Variants in BIK observed in about 807,000 individuals in gnomAD.
BIK encodes bcl-2-interacting killer.
A neutral mutation model predicts 12.1 loss-of-function variants in BIK; 14 were observed. That is an observed-to-expected ratio of 1.16 (90% CI 0.77 to 1.81). BIK has a LOEUF of 1.81. BIK is among the 40% of genes most tolerant of loss of function. BIK has a pLI of 0.00. For synonymous variants in BIK, 86 were observed against 92.3 expected, an observed-to-expected ratio of 0.93 and a Z score of 0.39; for missense variants, 215 against 207.9, an observed-to-expected ratio of 1.03 and a Z score of -0.21.
At chr22:43,117,814 C>T (rs926285661) in intron 1 of BIK, among the ~76,000 whole-genome samples, 7 of 151,688 alleles carry the variant, frequency 4.6e-5, no homozygotes, top group African/African-American at 9.7e-5. Flanking sequence ...GGATTACAGG[C>T]GCGCACCACC....
rs369373961 is a variant in BIK, at chr22:43,129,493, C to T, written c.*188C>T. 2.2e-5 allele frequency: 23 copies of T among 1,031,118 alleles called. 1 individual carries two copies. Among genetic ancestry groups the T allele is most frequent in the African/African-American group, 1.6e-4 (10 of 60,772 alleles). The allele number at this position is 1,031,118 out of a possible 1,614,324, so 63.9% of individuals were successfully genotyped here. A position where few individuals can be genotyped will look rare whatever the true frequency, so the allele number is the denominator to read the frequency against. On this transcript the variant is annotated 3_prime_UTR_variant, in exon 5 of 5. Coordinates refer to ENST00000216115, the MANE Select transcript of BIK (RefSeq NM_001197.5). ...TTTGTTTTTTTTTTATTCCAGTTTTCGTTTTTTCTAAAAGATGAATTCCTA... is the reference window on the plus strand; with the variant it reads ...TTTGTTTTTTTTTTATTCCAGTTTTTGTTTTTTCTAAAAGATGAATTCCTA...
chr22:43,117,602 C>T (rs1930141242), intron 1 of BIK, among the ~76,000 whole-genome samples: 1 of 151,748 alleles, frequency 6.6e-6, no homozygotes, highest in African/African-American at 2.4e-5. Flanking sequence ...CATCTCCTGA[C>T]CTTGTGATCT....
intron 1 of BIK, among the ~76,000 whole-genome samples, chr22:43,114,703 C>T (rs548509785): frequency 6.6e-6 from 1 of 152,296 alleles, no homozygotes; most frequent in East Asian, 1.9e-4. Context: ...GCTGAAATTC[C>T]CTGTGCAGAC....
chr22:43,124,109 T>C lies in BIK; in HGVS notation c.87T>C (p.Val29=), dbSNP rs770012034. Residue 29 remains valine (V), a synonymous_variant, in exon 2 of 5, where the codon GTT becomes GTC. Coordinates refer to ENST00000216115, the MANE Select transcript of BIK (RefSeq NM_001197.5). ...TCCTGGAACCCCCGACCATGGAGGT[T>C]CTTGGCATGACTGACTCTGAAGAGG... ...EQLLEPPTME[V]LGMTDSEEDL... The C allele has an allele frequency of 4.3e-6, 7 of 1,614,006 alleles. No individual in the cohort carries two copies. Among genetic ancestry groups the C allele is most frequent in the Middle Eastern group, 1.6e-4 (1 of 6,080 alleles).
At chr22:43,116,699 C>T (rs148901931) in intron 1 of BIK, among the ~76,000 whole-genome samples, 245 of 152,254 alleles carry the variant, frequency 1.6e-3, no homozygotes, top group African/African-American at 5.3e-3. Context: ...CCTCGTGATC[C>T]GCCCGCCTCG....
In BIK at chr22:43,124,110, C is replaced by G; in HGVS notation, c.88C>G (p.Leu30Val). The change falls in exon 2 of 5, where the codon CTT (leucine) becomes GTT (valine). Residue 30 changes from leucine to valine, a missense_variant. Coordinates refer to ENST00000216115, the MANE Select transcript of BIK (RefSeq NM_001197.5). The stretch of plus-strand genomic sequence containing the variant: ...CCTGGAACCCCCGACCATGGAGGTT[C>G]TTGGCATGACTGACTCTGAAGAGGA... ...QLLEPPTMEV[L>V]GMTDSEEDLD... 6.2e-7 allele frequency: 1 copy of G among 1,614,168 alleles called. No homozygotes were observed. The highest frequency in any genetic ancestry group is 1.1e-5 in the South Asian group (1 of 91,078).
At chr22:43,128,690 C>A in intron 4 of BIK, 65 bp downstream of exon 4, 1 of 1,540,230 alleles carries the variant, frequency 6.5e-7, no homozygotes, top group Non-Finnish European at 8.8e-7. Context: ...CAGAGCCGCT[C>A]CTTGGGGCGC....
rs565060462 is a variant in BIK, at chr22:43,121,496, T to C, written c.-7-2520T>C. ...CGGAATGCCTGCTGGGTAAGGGGGC[T>C]GTGGGCACAGTGGGTCAAGGCGAGG... On this transcript the variant is annotated intron_variant, in intron 1 of 4. Transcript: ENST00000216115. Among the ~76,000 whole-genome samples the C allele has an allele frequency of 2.0e-5, 3 of 152,250 alleles. No homozygotes were observed. In the East Asian group the frequency reaches 5.8e-4, roughly 29 times the overall value.
At chr22:43,125,168 C>T (rs1164561751) in intron 2 of BIK, among the ~76,000 whole-genome samples, 2 of 152,168 alleles carry the variant, frequency 1.3e-5, no homozygotes, top group African/African-American at 4.8e-5. Context: ...GTGAGGATGA[C>T]TGGAGGTCAC....
chr22:43,124,310 A>G (rs754021320), intron 2 of BIK, 127 bp downstream of exon 2: 3 of 1,173,764 alleles, frequency 2.6e-6, no homozygotes, highest in Non-Finnish European at 3.6e-6. Flanking sequence ...CGAGAGGAAG[A>G]TTTCCCGGAT....
rs140648160 is a variant in BIK, at chr22:43,128,946, C to T, written c.391-267C>T. On this transcript the variant is annotated intron_variant, in intron 4 of 4. Coordinates refer to ENST00000216115, the MANE Select transcript of BIK (RefSeq NM_001197.5). ...ATGGTGTCCACTCGGCACCGCCCAC[C>T]ACAAGGGCAGCTGACTGCCCTCACC... Among the ~76,000 whole-genome samples, 962 of 152,352 alleles carry T rather than the reference C, an allele frequency of 6.3e-3. 11 individuals carry two copies. The highest frequency in any genetic ancestry group is 0.022 in the African/African-American group (927 of 41,578).
chr22:43,120,947 G>A (rs1930207343), intron 1 of BIK, among the ~76,000 whole-genome samples: 2 of 152,128 alleles, frequency 1.3e-5, no homozygotes, highest in Non-Finnish European at 1.5e-5. Context: ...AGGCTGAGGC[G>A]GGTGGATCAC....
At chr22:43,116,153 A>G (rs1930108930) in intron 1 of BIK, among the ~76,000 whole-genome samples, 1 of 152,208 alleles carries the variant, frequency 6.6e-6, no homozygotes, top group African/African-American at 2.4e-5. Flanking sequence ...ATAAAAAGGC[A>G]CAGGCTTCCC....
In BIK at chr22:43,124,263, G is replaced by A. The variant is rs149910772; in HGVS notation, c.161+80G>A. ...CTGGATGAGCAGACATTCTATGAGCGGGGGAGCGCCTGCAGATGCCTCCCA... is the reference window on the plus strand; with the variant it reads ...CTGGATGAGCAGACATTCTATGAGCAGGGGAGCGCCTGCAGATGCCTCCCA... On this transcript the variant is annotated intron_variant, in intron 2 of 4. Transcript: ENST00000216115. The A allele has an allele frequency of 7.1e-5, 108 of 1,517,546 alleles. No individual in the cohort carries two copies. The African/African-American group carries it at 8.6e-4, about 12-fold the overall frequency. The allele number at this position is 1,517,546 out of a possible 1,614,324, so 94.0% of individuals were successfully genotyped here.
At chr22:43,127,985 C>A (rs2235316) in intron 3 of BIK, among the ~76,000 whole-genome samples, 190 bp downstream of exon 3, 76,503 of 151,852 alleles carry the variant, frequency 0.5, 23,247 homozygotes, top group Non-Finnish European at 0.67. Context: ...CTGGCACTCG[C>A]CCCCTGCCAC....
At chr22:43,111,542 C>G (rs781423555) in intron 1 of BIK, among the ~76,000 whole-genome samples, 1 of 152,136 alleles carries the variant, frequency 6.6e-6, no homozygotes, top group Non-Finnish European at 1.5e-5. Context: ...GGCGCGGTCA[C>G]GACAAGGCTT....
chr22:43,112,174 T>C (rs1029995288), intron 1 of BIK, among the ~76,000 whole-genome samples: 2 of 152,168 alleles, frequency 1.3e-5, no homozygotes, highest in African/African-American at 4.8e-5. Context: ...TTCTCAGGAA[T>C]GGCACAGTTT....
At chr22:43,127,113 C>T (rs553262608) in intron 2 of BIK, among the ~76,000 whole-genome samples, 131 of 152,198 alleles carry the variant, frequency 8.6e-4, no homozygotes, top group African/African-American at 2.9e-3. Context: ...GGAGTGAATG[C>T]GGGTGGGGTG....
intron 1 of BIK, among the ~76,000 whole-genome samples, chr22:43,115,208 C>G (rs1930087584): frequency 6.6e-6 from 1 of 152,100 alleles, no homozygotes; most frequent in Non-Finnish European, 1.5e-5. Context: ...TAATTCTGTC[C>G]TGGGGAGGGT....
Sources: gnomAD v4.1 joint callset for allele counts (sites outside exome capture counted in the v4.1 genomes callset) on GRCh38, gnomAD v4.1.1 for gene constraint, MANE v1.5 for transcripts, NCBI Gene and HGNC (gene_info 2026-07-23, HGNC 2026-07-21) for gene names.